Variants in ENOSF1 observed in about 807,000 individuals in gnomAD.
The protein encoded by ENOSF1 is enolase superfamily member 1, also known as mitochondrial enolase superfamily member 1.
ENOSF1 carries 73 observed loss-of-function variants against 68.2 expected under a neutral mutation model. The observed-to-expected ratio is 1.07, with a 90% confidence interval of 0.89 to 1.30. The LOEUF is 1.30. Among genes scored for constraint, ENOSF1 ranks in the 50% most tolerant of loss-of-function variants. The probability of loss-of-function intolerance (pLI) is 0.00; values close to 1 mark genes in which losing one functional copy is unlikely to be tolerated. For synonymous variants in ENOSF1, 223 were observed against 210.4 expected, an observed-to-expected ratio of 1.06 and a Z score of -0.52; for missense variants, 589 against 554.5, an observed-to-expected ratio of 1.06 and a Z score of -0.62.
At position 689,203 on chromosome 18, in the gene ENOSF1, CAG is replaced by C. The variant is rs1199706181; in HGVS notation, c.619-597_619-596del. On this transcript the variant is annotated intron_variant, in intron 8 of 15. Transcript: ENST00000647584. Reference sequence around the variant, plus strand: ...GAGCCCAAGGTGACTCACTAAGTCACAGAGTCCTGCGGTCCACAAAATGAATG... The same window carrying C: ...GAGCCCAAGGTGACTCACTAAGTCACAGTCCTGCGGTCCACAAAATGAATG... 5.3e-5 allele frequency among the ~76,000 whole-genome samples: 8 copies of C among 152,304 alleles called. No individual in the cohort carries two copies. The East Asian group carries it at 1.5e-3, about 29-fold the overall frequency.
At chr18:684,967 C>T (rs942161571) in intron 10 of ENOSF1, among the ~76,000 whole-genome samples, 1 of 152,008 alleles carries the variant, frequency 6.6e-6, no homozygotes, top group Non-Finnish European at 1.5e-5. Flanking sequence ...CTCAGTGATC[C>T]TCTTGCCCCA....
intron 2 of ENOSF1, among the ~76,000 whole-genome samples, chr18:700,746 G>A (rs1210756506): frequency 1.3e-5 from 2 of 151,916 alleles, no homozygotes; most frequent in African/African-American, 2.4e-5. Flanking sequence ...TTAGCTGGGT[G>A]TGGTGGCACA....
Position 689,849 on chromosome 18 carries a change from A to G in ENOSF1, c.618+700T>C, listed in dbSNP as rs1318405731. Among the ~76,000 whole-genome samples, 6 of 150,950 alleles carry G rather than the reference A, an allele frequency of 4.0e-5. No individual in the cohort carries two copies. In the East Asian group the frequency reaches 7.8e-4, roughly 20 times the overall value. On this transcript the variant is annotated intron_variant, in intron 8 of 15. Transcript: ENST00000647584. ...TGGGGACCAGAAAGACCTGAAAGGCATGATTGTGGGGTTGGAAACTTTAGC... is the reference window on the plus strand; with the variant it reads ...TGGGGACCAGAAAGACCTGAAAGGCGTGATTGTGGGGTTGGAAACTTTAGC...
At chr18:666,555 A>G (rs1452843269), downstream of ENOSF1, among the ~76,000 whole-genome samples, 2 of 152,104 alleles carry the variant, frequency 1.3e-5, no homozygotes, top group Non-Finnish European at 2.9e-5. Context: ...TGTGTGTGCA[A>G]TTTACTAGCT....
At chr18:677,686 GGTGTCTGATTA>G (rs2075653114) in intron 13 of ENOSF1, 46 bp downstream of exon 13, 1 of 1,568,404 alleles carries the variant, frequency 6.4e-7, no homozygotes, top group Non-Finnish European at 8.6e-7. Flanking sequence ...CATCAAGGGA[GGTGTCTGATTA>G]GTGGGGAAAT....
At chr18:680,757 C>T (rs575911060) in intron 11 of ENOSF1, among the ~76,000 whole-genome samples, 4 of 148,360 alleles carry the variant, frequency 2.7e-5, no homozygotes, top group African/African-American at 5.0e-5. Context: ...CTTGGCTTAC[C>T]GTAACCTCCA....
intron 2 of ENOSF1, among the ~76,000 whole-genome samples, chr18:697,912 G>GC (rs2077916682): frequency 6.6e-6 from 1 of 151,670 alleles, no homozygotes; most frequent in Admixed American, 6.6e-5. Flanking sequence ...TCCCACCTCA[G>GC]CTTCTCGAGA....
chr18:670,550 T>C lies in ENOSF1; in HGVS notation c.*3755A>G, dbSNP rs979306544. ...CGTGCCATCGCTGCAGAGGCTGTTA[T>C]GGACATCACTGCAGCCCAGTGGCTC... On this transcript the variant is annotated 3_prime_UTR_variant, in exon 16 of 16. Transcript: ENST00000647584. The C allele has an allele frequency of 3.6e-6, 3 of 823,618 alleles. No homozygotes were observed. Among genetic ancestry groups the C allele is most frequent in the African/African-American group, 3.4e-5 (2 of 58,630 alleles). 51.0% of individuals were successfully genotyped at this position (823,618 alleles called of 1,614,324 possible). A position where few individuals can be genotyped will look rare whatever the true frequency, so the allele number is the denominator to read the frequency against.
intron 9 of ENOSF1, chr18:686,683 A>T (rs1174937386): frequency 1.3e-5 from 2 of 152,164 alleles, no homozygotes; most frequent in African/African-American, 4.8e-5. Context: ...CTGTCAGAAG[A>T]GTGTGTTGCT....
chr18:680,908 C>T (rs993089914), intron 11 of ENOSF1, among the ~76,000 whole-genome samples: 2 of 151,264 alleles, frequency 1.3e-5, no homozygotes, highest in Admixed American at 6.6e-5. Flanking sequence ...TGCAGTGGTG[C>T]GATTTTGGCT....
At chr18:669,058 T>C (rs2074924872), downstream of ENOSF1, 2 of 1,608,936 alleles carry the variant, frequency 1.2e-6, no homozygotes, top group Non-Finnish European at 1.7e-6. Context: ...CCTCTCTTTT[T>C]GACAATTCTA....
intron 11 of ENOSF1, among the ~76,000 whole-genome samples, chr18:682,186 C>T (rs1345268159): frequency 2.6e-5 from 4 of 152,064 alleles, no homozygotes; most frequent in Non-Finnish European, 4.4e-5. Context: ...AGAAATGTGC[C>T]GTTGGGCTGT....
downstream of ENOSF1, among the ~76,000 whole-genome samples, chr18:668,027 T>TC (rs2074891192): frequency 7.2e-6 from 1 of 139,044 alleles, no homozygotes; most frequent in Non-Finnish European, 1.5e-5. Flanking sequence ...ACAGAAAGTT[T>TC]CCCTGGACAC....
At chr18:669,366 A>AT (rs68090938), downstream of ENOSF1, 22,595 of 191,056 alleles carry the variant, frequency 0.12, 1,538 homozygotes, top group Non-Finnish European at 0.14. Flanking sequence ...GGCCCAGAGG[A>AT]TTTTTTTTTT....
chr18:693,484 T>C, intron 5 of ENOSF1: 2 of 985,344 alleles, frequency 2.0e-6, no homozygotes, highest in Non-Finnish European at 2.4e-6. Context: ...CTGGATAATA[T>C]CTTCATAATA....
downstream of ENOSF1, chr18:669,169 A>G (rs561716332): frequency 4.3e-6 from 7 of 1,613,798 alleles, no homozygotes; most frequent in Admixed American, 3.3e-5. Context: ...CTTGGAATCC[A>G]AGAGGTTGAA....
intron 5 of ENOSF1, chr18:692,288 C>T (rs2077265062): frequency 6.6e-6 from 1 of 152,108 alleles, no homozygotes; most frequent in Non-Finnish European, 1.5e-5. Context: ...ATCCTAAAAA[C>T]TCTTTCAACC....
At chr18:684,405 G>A (rs1199798230) in intron 10 of ENOSF1, among the ~76,000 whole-genome samples, 1 of 151,918 alleles carries the variant, frequency 6.6e-6, no homozygotes, top group Non-Finnish European at 1.5e-5. Context: ...GCTCTCACTT[G>A]TAGTCCCAGC....
At chr18:680,358 AAAGAG>A (rs1166511476) in intron 11 of ENOSF1, among the ~76,000 whole-genome samples, 1 of 152,238 alleles carries the variant, frequency 6.6e-6, no homozygotes, top group Non-Finnish European at 1.5e-5. Context: ...ATTTATCTCC[AAAGAG>A]AAGAGAAAGG....
Sources: gnomAD v4.1 joint callset for allele counts (sites outside exome capture counted in the v4.1 genomes callset) on GRCh38, gnomAD v4.1.1 for gene constraint, MANE v1.5 for transcripts, NCBI Gene and HGNC (gene_info 2026-07-23, HGNC 2026-07-21) for gene names.